HPSE: variants seen among roughly 807,000 people sequenced by gnomAD.
HPSE encodes heparanase, also known as endo-glucoronidase.
In HPSE, 48 loss-of-function variants were observed where a neutral mutation model predicts 65.1. The observed-to-expected ratio is 0.74, with a 90% CI of 0.58 to 0.94. HPSE has a LOEUF of 0.94. HPSE is among the 40% of genes least tolerant of loss of function. The pLI, the probability that HPSE is intolerant of heterozygous loss-of-function variation, is 0.00. For missense variants in HPSE, 644 were observed against 637.5 expected (o/e 1.01, Z -0.11); for synonymous variants, 243 against 260.0 (o/e 0.93, Z 0.63).
At chr4:83,312,658 A>G (rs1231436317) in intron 4 of HPSE, among the ~76,000 whole-genome samples, 76 of 113,988 alleles carry the variant, frequency 6.7e-4, no homozygotes, top group East Asian at 1.6e-3. Context: ...AGCCTGGGCG[A>G]CAGAGCGAGA....
At chr4:83,299,263 C>T (rs1735843721) in intron 11 of HPSE, among the ~76,000 whole-genome samples, 1 of 144,554 alleles carries the variant, frequency 6.9e-6, no homozygotes, top group Non-Finnish European at 1.5e-5. Flanking sequence ...ACTAGGGAGG[C>T]TGAGGTGGGA....
chr4:83,314,277 C>CAGAA (rs1736540580), intron 3 of HPSE, among the ~76,000 whole-genome samples: 1 of 144,812 alleles, frequency 6.9e-6, no homozygotes. Context: ...AACAAAAAAA[C>CAGAA]AAACAAAAAA....
intron 11 of HPSE, among the ~76,000 whole-genome samples, chr4:83,299,815 C>G (rs1735873481): frequency 6.6e-6 from 1 of 152,052 alleles, no homozygotes; most frequent in Non-Finnish European, 1.5e-5. Flanking sequence ...AGCAATCCTC[C>G]CACCTCAGCT....
chr4:83,301,129 A>G, intron 10 of HPSE, 23 bp from the exon 11 acceptor site: 1 of 1,474,938 alleles, frequency 6.8e-7, no homozygotes, highest in Non-Finnish European at 9.2e-7. Context: ...AGGTTAACTT[A>G]ATAGAAATAT....
In HPSE at chr4:83,293,865, T is replaced by C. The variant is rs1364060964; in HGVS notation, c.*1479A>G. ...TGTCTTTTAAGGTGCAAATAGATAG[T>C]TTCTCTTTTACAACCAGTTTCACGG... is the stretch of plus-strand genomic sequence containing the variant. On this transcript the variant is annotated 3_prime_UTR_variant, in exon 12 of 12. Coordinates refer to ENST00000311412, the MANE Select transcript of HPSE (RefSeq NM_001098540.3). 3.3e-5 allele frequency: 5 copies of C among 152,122 alleles called. No homozygotes were observed. The highest frequency in any genetic ancestry group is 5.9e-5 in the Non-Finnish European group (4 of 68,022). The allele number at this position is 152,122 out of a possible 1,614,324, so 9.4% of individuals were successfully genotyped here.
intron 2 of HPSE, among the ~76,000 whole-genome samples, chr4:83,321,987 C>CT (rs36002405): frequency 0.026 from 2,408 of 92,298 alleles, 235 homozygotes; most frequent in African/African-American, 0.078. Flanking sequence ...TCCAGGACGC[C>CT]TTTTTTTTTT....
At chr4:83,324,435 T>C (rs1737060736) in intron 1 of HPSE, among the ~76,000 whole-genome samples, 1 of 152,194 alleles carries the variant, frequency 6.6e-6, no homozygotes, top group Admixed American at 6.5e-5. Flanking sequence ...AACTAAAAGA[T>C]AGAAATTGAA....
intron 3 of HPSE, among the ~76,000 whole-genome samples, chr4:83,315,252 T>A (rs1246396411): frequency 1.3e-5 from 2 of 152,234 alleles, no homozygotes; most frequent in African/African-American, 4.8e-5. Flanking sequence ...TGATATTTGC[T>A]GTGTCACCCA....
chr4:83,322,179 C>G (rs554378444), intron 2 of HPSE, 40 bp downstream of exon 2: 3 of 1,556,966 alleles, frequency 1.9e-6, no homozygotes, highest in Non-Finnish European at 2.6e-6. Context: ...GACGGACTGA[C>G]GTTAATTAAA....
intron 3 of HPSE, among the ~76,000 whole-genome samples, chr4:83,317,659 A>G (rs1168871714): frequency 6.6e-6 from 1 of 152,196 alleles, no homozygotes; most frequent in African/African-American, 2.4e-5. Flanking sequence ...GATCCTGTAA[A>G]GTAGTAAAAC....
In HPSE at chr4:83,295,379, C is replaced by T. The variant is rs1426151688; in HGVS notation, c.1597G>A (p.Val533Met). 1.9e-6 allele frequency: 3 copies of T among 1,610,328 alleles called. No homozygotes were observed. The East Asian group carries it at 6.7e-5, about 36-fold the overall frequency. ...GCAGCAACTTTGGCATTTCTTATCA[C>T]AAAAAAACTATATGAGAAAGCTGGC... ...GLPAFSYSFF[V>M]IRNAKVAACI The change falls in exon 12 of 12, where the codon GTG (valine) becomes ATG (methionine). Residue 533 changes from valine (V) to methionine (M), a missense_variant. Transcript: ENST00000311412.
chr4:83,304,331 G>A (rs1221161499), intron 9 of HPSE, among the ~76,000 whole-genome samples: 1 of 152,140 alleles, frequency 6.6e-6, no homozygotes, highest in East Asian at 1.9e-4. Context: ...TAAGATTCAT[G>A]TCCTGCTTTT....
chr4:83,311,819 A>C (rs1213926448), intron 4 of HPSE, among the ~76,000 whole-genome samples: 9 of 151,118 alleles, frequency 6.0e-5, no homozygotes, highest in Admixed American at 5.3e-4. Flanking sequence ...AGCAGGAAGA[A>C]GACTTGTGCT....
In HPSE at chr4:83,313,169, C is replaced by T; in HGVS notation, c.618G>A (p.Leu206=). The T allele has an allele frequency of 6.2e-7, 1 of 1,613,966 alleles. No homozygotes were observed. The highest frequency in any genetic ancestry group is 8.5e-7 in the Non-Finnish European group (1 of 1,179,866). The change falls in exon 4 of 12, where the codon TTG becomes TTA. Residue 206 remains leucine (L), a synonymous_variant. Coordinates refer to ENST00000311412, the MANE Select transcript of HPSE (RefSeq NM_001098540.3). The part of the protein sequence containing the change: ...DLQWNSSNAQ[L]LLDYCSSKGY... ...CCTTGGAAGAGCAGTAGTCCAGGAGCAACTGAGCATTAGAACTGTTCCACT... is the reference window on the plus strand; with the variant it reads ...CCTTGGAAGAGCAGTAGTCCAGGAGTAACTGAGCATTAGAACTGTTCCACT...
chr4:83,310,058 T>C lies in HPSE; in HGVS notation c.863A>G (p.Glu288Gly). The change falls in exon 6 of 12, where the codon GAA (glutamate) becomes GGA (glycine). Residue 288 changes from glutamate (E) to glycine (G), a missense_variant. By Grantham distance (98) the Glu-to-Gly change is moderately conservative. Transcript: ENST00000311412. ...MLKSFLKAGG[E>G]VIDSVTWHHY... ...ATGCCATGTAACTGAATCAATCACT[T>C]CTCCACCAGCCTTCAGGAAGCTAGA... The C allele has an allele frequency of 6.2e-7, 1 of 1,610,994 alleles. No individual in the cohort carries two copies. Among genetic ancestry groups the C allele is most frequent in the Non-Finnish European group, 8.5e-7 (1 of 1,177,920 alleles).
chr4:83,308,767 TGGGGAG>T, intron 8 of HPSE, 72 bp downstream of exon 8: 1 of 1,090,090 alleles, frequency 9.2e-7, no homozygotes, highest in Non-Finnish European at 1.4e-6. Flanking sequence ...GCTTTTTGGC[TGGGGAG>T]CTATTTCAGC....
At chr4:83,313,886 A>T (rs962181874) in intron 3 of HPSE, among the ~76,000 whole-genome samples, 6 of 152,208 alleles carry the variant, frequency 3.9e-5, no homozygotes, top group Non-Finnish European at 8.8e-5. Context: ...AGTGCAGGGC[A>T]CCTAGTTAAA....
Position 83,334,777 on chromosome 4 carries a change from C to A in HPSE, c.6G>T (p.Leu2=), listed in dbSNP as rs1737552515. Residue 2 remains leucine (L), a synonymous_variant, in exon 1 of 12, where the codon CTG becomes CTT. Coordinates refer to ENST00000311412, the MANE Select transcript of HPSE (RefSeq NM_001098540.3). M[L]LRSKPALPPP... ...GCGGCAGCGCAGGCTTCGAGCGCAG[C>A]AGCATCTTGGGCTCACCTGGCTGCT... The A allele has an allele frequency of 1.3e-6, 2 of 1,542,776 alleles. No individual in the cohort carries two copies. The highest frequency in any genetic ancestry group is 1.7e-6 in the Non-Finnish European group (2 of 1,143,258).
At chr4:83,310,687 AAAAGT>A (rs779808746) in intron 5 of HPSE, 30 bp downstream of exon 5, 1 of 1,570,058 alleles carries the variant, frequency 6.4e-7, no homozygotes, top group South Asian at 1.2e-5. Context: ...GAAAAAGAAG[AAAAGT>A]AAAGTGATTC....
Sources: allele counts gnomAD v4.1 joint callset (sites outside exome capture counted in the v4.1 genomes callset), GRCh38; gene constraint gnomAD v4.1.1; transcripts MANE v1.5; gene names NCBI Gene and HGNC (gene_info 2026-07-23, HGNC 2026-07-21).